Variants in ATXN2 observed in about 807,000 individuals in gnomAD.
ATXN2 encodes the protein ataxin-2.
A neutral mutation model predicts 138.6 loss-of-function variants in ATXN2; 37 were observed. The observed-to-expected ratio is 0.27, with a 90% CI of 0.21 to 0.35. The LOEUF is 0.35. Among genes scored for constraint, ATXN2 ranks in the 10% least tolerant of loss-of-function variants. The probability of loss-of-function intolerance (pLI) is 1.00; values close to 1 mark genes in which losing one functional copy is unlikely to be tolerated. For missense variants in ATXN2, 1,216 were observed against 1,480.3 expected, an observed-to-expected ratio of 0.82 and a Z score of 2.93; for synonymous variants, 549 against 543.7, an observed-to-expected ratio of 1.01 and a Z score of -0.13.
At chr12:111,576,437 T>C (rs973958715) in intron 1 of ATXN2, among the ~76,000 whole-genome samples, 4 of 152,020 alleles carry the variant, frequency 2.6e-5, no homozygotes, top group African/African-American at 9.7e-5. Context: ...AGAGTGAGAC[T>C]CCATCTCATA....
Position 111,598,306 on chromosome 12 carries a change from C to A in ATXN2, c.251+478G>T. On this transcript the variant is annotated intron_variant, in intron 1 of 24. Coordinates refer to ENST00000673436, the MANE Select transcript of ATXN2 (RefSeq NM_001372574.1). This position sits in a 1 kb window ranked among gnomAD's most constrained non-coding sequence, Gnocchi z 4.5. ...ACCGGCACGGGGGACGCGGCCCTAA[C>A]TTCTCCCCTCCAGAGATGTCCCCCA... is the stretch of plus-strand genomic sequence containing the variant. The A allele has an allele frequency of 2.0e-6, 2 of 1,002,926 alleles. No homozygotes were observed. The highest frequency in any genetic ancestry group is 2.4e-6 in the Non-Finnish European group (2 of 840,126). The allele number at this position is 1,002,926 out of a possible 1,614,324, so 62.1% of individuals were successfully genotyped here.
chr12:111,486,686 T>C (rs1202842021), intron 16 of ATXN2, 75 bp downstream of exon 16: 1 of 1,246,190 alleles, frequency 8.0e-7, no homozygotes, highest in African/African-American at 1.5e-5. Flanking sequence ...AGATGGCAGG[T>C]ATGGAAGAAG....
chr12:111,550,045 G>C (rs1348068137), intron 5 of ATXN2, among the ~76,000 whole-genome samples: 2 of 135,126 alleles, frequency 1.5e-5, no homozygotes, highest in Non-Finnish European at 3.0e-5. Flanking sequence ...CTGGGCAACA[G>C]AGCGAAACTC....
rs747639610 is a variant in ATXN2 at position 111,457,238 on chromosome 12, A to G, written c.3018T>C (p.Ser1006=). The G allele has an allele frequency of 2.5e-6, 4 of 1,613,890 alleles. No homozygotes were observed. Among genetic ancestry groups the G allele is most frequent in the Non-Finnish European group, 3.4e-6 (4 of 1,179,938 alleles). The change falls in exon 22 of 25, where the codon AGT becomes AGC. Residue 1006 remains serine, a synonymous_variant. Coordinates refer to ENST00000673436, the MANE Select transcript of ATXN2 (RefSeq NM_001372574.1). ...TGQQQSQHGG[S]HPAPSPVQHH... Reference sequence around the variant, plus strand: ...CCTGAACAGGACTGGGTGCAGGATGACTTCCACCATGTTGGCTTTGCTGCT... The same window carrying G: ...CCTGAACAGGACTGGGTGCAGGATGGCTTCCACCATGTTGGCTTTGCTGCT...
intron 5 of ATXN2, among the ~76,000 whole-genome samples, chr12:111,550,244 A>G (rs1245453591): frequency 1.3e-5 from 2 of 152,172 alleles, no homozygotes; most frequent in Non-Finnish European, 2.9e-5. Context: ...CCTTTCTATA[A>G]TGAACTAAAA....
chr12:111,587,161 G>A (rs561225057), intron 1 of ATXN2, among the ~76,000 whole-genome samples: 40 of 150,636 alleles, frequency 2.7e-4, no homozygotes, highest in South Asian at 1.3e-3. Flanking sequence ...TCCTGATTTC[G>A]AAATGTGTTT....
intron 1 of ATXN2, among the ~76,000 whole-genome samples, chr12:111,558,326 T>C (rs955337863): frequency 6.6e-6 from 1 of 152,182 alleles, no homozygotes; most frequent in African/African-American, 2.4e-5. Flanking sequence ...TACTATTTAA[T>C]ATAGTAACAA....
rs1379666371 is a variant in ATXN2, at chr12:111,453,570, C to G, written c.3439+107G>C. 5.5e-6 allele frequency: 8 copies of G among 1,450,092 alleles called. No individual in the cohort carries two copies. In the East Asian group the frequency reaches 2.0e-4, roughly 37 times the overall value. The allele number at this position is 1,450,092 out of a possible 1,614,324, so 89.8% of individuals were successfully genotyped here. ...TGTGCACACTCCTGGACGGGTCTTG[C>G]TAGTTCTCAAATGCGGGGCTTGAAG... On this transcript the variant is annotated intron_variant, in intron 24 of 24. Transcript: ENST00000673436. The surrounding 1 kb of genome is among the most constrained non-coding windows in gnomAD (Gnocchi z 5.4).
intron 1 of ATXN2, among the ~76,000 whole-genome samples, chr12:111,558,349 A>G (rs537915207): frequency 6.6e-6 from 1 of 152,238 alleles, no homozygotes; most frequent in Non-Finnish European, 1.5e-5. Context: ...ACTGAACCGC[A>G]ATAAACAAAG....
At chr12:111,588,653 A>T (rs1391133145) in intron 1 of ATXN2, among the ~76,000 whole-genome samples, 4 of 151,772 alleles carry the variant, frequency 2.6e-5, no homozygotes, top group Non-Finnish European at 5.9e-5. Context: ...AGTTAAGGTT[A>T]ACAGCTGTGA....
At chr12:111,517,262 C>T (rs578215671) in intron 9 of ATXN2, among the ~76,000 whole-genome samples, 1 of 152,226 alleles carries the variant, frequency 6.6e-6, no homozygotes, top group South Asian at 2.1e-4. Context: ...TTCTCAGCCC[C>T]CTTCAGGTTT....
intron 1 of ATXN2, among the ~76,000 whole-genome samples, chr12:111,578,807 G>A (rs1883825507): frequency 6.6e-6 from 1 of 152,156 alleles, no homozygotes; most frequent in Non-Finnish European, 1.5e-5. Flanking sequence ...TTGGGAGGCT[G>A]AGGTAGATGA....
At position 111,599,314 on chromosome 12, in the gene ATXN2, C is replaced by A; in HGVS notation, c.-280G>T. ...AGTCTGAGGCGGAGGGAGGCGAGCT[C>A]TGCCGGGAGGGAGGGGGGCCGGGGC... On this transcript the variant is annotated 5_prime_UTR_variant, in exon 1 of 25. Coordinates refer to ENST00000673436, the MANE Select transcript of ATXN2 (RefSeq NM_001372574.1). 1.1e-6 allele frequency: 1 copy of A among 943,622 alleles called. No individual in the cohort carries two copies. The highest frequency in any genetic ancestry group is 1.2e-6 in the Non-Finnish European group (1 of 808,748). The allele number at this position is 943,622 out of a possible 1,614,324, so 58.5% of individuals were successfully genotyped here.
chr12:111,513,539 C>A lies in ATXN2; in HGVS notation c.1376G>T (p.Gly459Val). The A allele has an allele frequency of 6.2e-6, 10 of 1,608,448 alleles. No homozygotes were observed. The highest frequency in any genetic ancestry group is 8.5e-6 in the Non-Finnish European group (10 of 1,178,150). ...STMPKRMSSEGPPRMSPKAQR... is the reference protein window; with the variant it reads ...STMPKRMSSEVPPRMSPKAQR... The stretch of plus-strand genomic sequence containing the variant: ...GGCCTTTGGGGACATCCTTGGAGGC[C>A]CTAAGGAAGAAACAGTGAACATCAC... Residue 459 changes from glycine to valine, a missense_variant and splice_region_variant, in exon 11 of 25, where the codon GGG becomes GTG. Transcript: ENST00000673436.
At chr12:111,593,069 G>A (rs1226620053) in intron 1 of ATXN2, among the ~76,000 whole-genome samples, 2 of 151,914 alleles carry the variant, frequency 1.3e-5, no homozygotes, top group Non-Finnish European at 2.9e-5. Context: ...AAAAAAATGA[G>A]ATCCTCCTTT....
intron 24 of ATXN2, 118 bp from the exon 25 acceptor site, chr12:111,452,958 T>G: frequency 1.6e-6 from 2 of 1,248,284 alleles, no homozygotes; most frequent in South Asian, 2.5e-5. Context: ...AACTCAAAAT[T>G]GAATTCGCTT....
At chr12:111,564,321 G>GA (rs1003225817) in intron 1 of ATXN2, among the ~76,000 whole-genome samples, 8 of 149,996 alleles carry the variant, frequency 5.3e-5, no homozygotes, top group East Asian at 3.9e-4. Flanking sequence ...ACAAGGGAAA[G>GA]AAAAAAAAAG....
In ATXN2 at chr12:111,485,638, GAAAACC is replaced by G. The variant is rs1441185477; in HGVS notation, c.2457+69_2457+74del. 3 of 1,548,084 alleles carry G rather than the reference GAAAACC, an allele frequency of 1.9e-6. No homozygotes were observed. In the African/African-American group the frequency reaches 4.1e-5, roughly 21 times the overall value. ...ATAACCATCACACCCTCAAGTCACT[GAAAACC>G]TAAAGAGTGCTTGGTGTCAGATACA... On this transcript the variant is annotated intron_variant, in intron 17 of 24. Coordinates refer to ENST00000673436, the MANE Select transcript of ATXN2 (RefSeq NM_001372574.1).
intron 1 of ATXN2, among the ~76,000 whole-genome samples, chr12:111,581,009 G>T (rs1883967145): frequency 6.6e-6 from 1 of 151,734 alleles, no homozygotes; most frequent in Non-Finnish European, 1.5e-5. Flanking sequence ...GTGGTGGCAG[G>T]TGCCTGTAGT....
Sources: allele counts gnomAD v4.1 joint callset (sites outside exome capture counted in the v4.1 genomes callset), GRCh38; gene constraint gnomAD v4.1.1; non-coding constraint Gnocchi (gnomAD v3.1); transcripts MANE v1.5; gene names NCBI Gene and HGNC (gene_info 2026-07-23, HGNC 2026-07-21).